Variants in EPHB4 observed in about 807,000 individuals in gnomAD.
The protein encoded by EPHB4 is ephrin type-B receptor 4.
Under a neutral mutation model 110.6 loss-of-function variants are expected in EPHB4, and 50 were observed. The observed-to-expected ratio is 0.45, with a 90% confidence interval of 0.36 to 0.57. EPHB4 has a LOEUF of 0.57. Among genes scored for constraint, EPHB4 ranks in the 20% least tolerant of loss-of-function variants. The pLI, the probability that EPHB4 is intolerant of heterozygous loss-of-function variation, is 0.00. For synonymous variants in EPHB4, 592 were observed against 578.4 expected (o/e 1.02, Z -0.34); for missense variants, 1,128 against 1,382.1 (o/e 0.82, Z 2.91).
chr7:100,821,619 C>T (rs1002746890), intron 4 of EPHB4, among the ~76,000 whole-genome samples: 4 of 149,934 alleles, frequency 2.7e-5, no homozygotes, highest in African/African-American at 7.3e-5. Context: ...CAGAGCAAGA[C>T]TCTGTCTTGA....
At chr7:100,824,335 G>C in intron 1 of EPHB4, 62 bp from the exon 2 acceptor site, 1 of 1,568,498 alleles carries the variant, frequency 6.4e-7, no homozygotes, top group Non-Finnish European at 8.8e-7. Context: ...AGGAAGACCA[G>C]ATCCCTGGGA....
At chr7:100,824,461 C>G in intron 1 of EPHB4, 188 bp from the exon 2 acceptor site, 1 of 610,290 alleles carries the variant, frequency 1.6e-6, no homozygotes, top group East Asian at 2.8e-5. Context: ...AAGTGCCAAC[C>G]CCACCCCCAA....
In EPHB4 at chr7:100,823,827, A is replaced by C; in HGVS notation, c.228T>G (p.Gly76=). The C allele has an allele frequency of 6.2e-7, 1 of 1,613,218 alleles. No homozygotes were observed. The change falls in exon 3 of 17, where the codon GGT becomes GGG. Residue 76 remains glycine (G), a synonymous_variant. Coordinates refer to ENST00000358173, the MANE Select transcript of EPHB4 (RefSeq NM_004444.5). The part of the protein sequence containing the change: ...APGQAHWLRT[G]WVPRRGAVHV... ...GGACGGCGCCCCGCCGTGGGACCCA[A>C]CCTGTGCGAAGCCAGTGGGCCTGGC... is the stretch of plus-strand genomic sequence containing the variant.
intron 16 of EPHB4, among the ~76,000 whole-genome samples, chr7:100,804,136 A>G (rs903341149): frequency 3.3e-5 from 5 of 152,082 alleles, no homozygotes; most frequent in Non-Finnish European, 7.4e-5. Context: ...AGCTGGGACC[A>G]CAGGCACGCA....
rs1813147206 is a variant in EPHB4 at position 100,818,755 on chromosome 7, T to C, written c.1298-111A>G. The C allele has an allele frequency of 8.1e-6, 11 of 1,353,578 alleles. No individual in the cohort carries two copies. The East Asian group carries it at 1.5e-4, about 19-fold the overall frequency. 83.8% of individuals were successfully genotyped at this position (1,353,578 alleles called of 1,614,324 possible). On this transcript the variant is annotated intron_variant, in intron 6 of 16. Coordinates refer to ENST00000358173, the MANE Select transcript of EPHB4 (RefSeq NM_004444.5). ...TCGTGCTCTATCACCCAGGCTGGAGTGCAGTGGCGCAGTCTCAGCTTACTG... is the reference window on the plus strand; with the variant it reads ...TCGTGCTCTATCACCCAGGCTGGAGCGCAGTGGCGCAGTCTCAGCTTACTG...
chr7:100,815,697 T>G (rs540494393), intron 8 of EPHB4, among the ~76,000 whole-genome samples: 1 of 152,088 alleles, frequency 6.6e-6, no homozygotes, highest in East Asian at 1.9e-4. Flanking sequence ...AGAAAGCCAC[T>G]GGTCCAATGC....
intron 12 of EPHB4, among the ~76,000 whole-genome samples, chr7:100,810,466 G>A (rs1246307883): frequency 6.6e-6 from 1 of 152,114 alleles, no homozygotes; most frequent in Admixed American, 6.6e-5. Flanking sequence ...TAATCAGCAG[G>A]CGTGGTGGCT....
Position 100,822,838 on chromosome 7 carries a change from C to T in EPHB4, c.412-171G>A, listed in dbSNP as rs1169860505. Among the ~76,000 whole-genome samples, 1 of 152,216 alleles carries T rather than the reference C, an allele frequency of 6.6e-6. No homozygotes were observed. Among genetic ancestry groups the T allele is most frequent in the Non-Finnish European group, 1.5e-5 (1 of 68,038 alleles). On this transcript the variant is annotated intron_variant, in intron 3 of 16. Coordinates refer to ENST00000358173, the MANE Select transcript of EPHB4 (RefSeq NM_004444.5). This position sits in a 1 kb window ranked among gnomAD's most constrained non-coding sequence, Gnocchi z 4.7. ...GCAGGCCCCCACACTGTCCATTCAG[C>T]CTTGCAAAGCTCCTGCGATATGCCC...
chr7:100,823,708 TA>T lies in EPHB4; in HGVS notation c.346del (p.Tyr116MetfsTer44). 6.2e-7 allele frequency: 1 copy of T among 1,613,558 alleles called. No individual in the cohort carries two copies. The highest frequency in any genetic ancestry group is 2.2e-5 in the East Asian group (1 of 44,856). ...SCKETFTVFYYESDADTATAL... is the reference protein window; with the variant it reads ...SCKETFTVFYXESDADTATAL... Reference sequence around the variant, plus strand: ...CGTGGCCGTGTCCGCATCGCTCTCATAGTAGAAGACGGTGAAGGTCTCCTTG... The same window carrying T: ...CGTGGCCGTGTCCGCATCGCTCTCATGTAGAAGACGGTGAAGGTCTCCTTG... On this transcript the variant is annotated frameshift_variant, in exon 3 of 17. Transcript: ENST00000358173. LOFTEE classifies it high-confidence loss of function.
Position 100,822,320 on chromosome 7 carries a change from G to A in EPHB4, c.759C>T (p.Cys253=), listed in dbSNP as rs1372648675. 1 of 1,567,418 alleles carries A rather than the reference G, an allele frequency of 6.4e-7. No homozygotes were observed. Among genetic ancestry groups the A allele is most frequent in the Non-Finnish European group, 8.7e-7 (1 of 1,154,770 alleles). ...CTGCCTCGAACCCCGGAGCACAGCT[G>A]CAGCCCGTGACCGGCTGTTCGGCCC... The part of the protein sequence containing the change: ...GQWAEQPVTG[C]SCAPGFEAAE... Residue 253 remains cysteine, a synonymous_variant, in exon 4 of 17, where the codon TGC becomes TGT. Coordinates refer to ENST00000358173, the MANE Select transcript of EPHB4 (RefSeq NM_004444.5). The surrounding 1 kb of genome is among the most constrained non-coding windows in gnomAD (Gnocchi z 4.7).
At chr7:100,819,017 A>C (rs963312030) in intron 6 of EPHB4, among the ~76,000 whole-genome samples, 15 of 152,060 alleles carry the variant, frequency 9.9e-5, no homozygotes, top group Non-Finnish European at 2.2e-4. Context: ...TGTTTCGAGA[A>C]TTCCTTCTGA....
chr7:100,815,317 T>G (rs1461535621), intron 8 of EPHB4, among the ~76,000 whole-genome samples: 1 of 151,844 alleles, frequency 6.6e-6, no homozygotes, highest in Non-Finnish European at 1.5e-5. Context: ...AGCGAGACCC[T>G]GTTTCCAAAA....
intron 6 of EPHB4, among the ~76,000 whole-genome samples, chr7:100,819,083 G>A (rs952148107): frequency 6.6e-6 from 1 of 151,892 alleles, no homozygotes; most frequent in Non-Finnish European, 1.5e-5. Context: ...CTCCAGCCCA[G>A]CTTTACGAGC....
Position 100,816,378 on chromosome 7 carries a change from G to C in EPHB4, c.1588+814C>G, listed in dbSNP as rs550229447. ...AGACAGAGTCTTGCTCTGTTGCCCA[G>C]GCTGGAGTGCACTGGCACAATCTCA... On this transcript the variant is annotated intron_variant, in intron 8 of 16. Coordinates refer to ENST00000358173, the MANE Select transcript of EPHB4 (RefSeq NM_004444.5). Among the ~76,000 whole-genome samples, 179 of 151,118 alleles carry C rather than the reference G, an allele frequency of 1.2e-3. 1 individual carries two copies. Among genetic ancestry groups the C allele is most frequent in the African/African-American group, 3.6e-3 (148 of 41,208 alleles).
At chr7:100,820,375 A>C in intron 4 of EPHB4, 79 bp from the exon 5 acceptor site, 1 of 1,505,598 alleles carries the variant, frequency 6.6e-7, no homozygotes, top group Non-Finnish European at 8.9e-7. Flanking sequence ...TCATGCCTCG[A>C]ATCCCAGCAC....
At chr7:100,803,642 C>G in intron 16 of EPHB4, 52 bp from the exon 17 acceptor site, 1 of 1,540,616 alleles carries the variant, frequency 6.5e-7, no homozygotes. Flanking sequence ...TGTGGCCGCT[C>G]TCCTCTCTTG....
chr7:100,812,890 G>A lies in EPHB4; in HGVS notation c.1975C>T (p.Arg659Cys). Residue 659 changes from arginine to cysteine, a missense_variant, in exon 12 of 17, where the codon CGT becomes TGT. This residue lies in a region of EPHB4 where 191 missense variants were observed against 313.0 expected (regional missense o/e 0.61). Transcript: ENST00000358173. ...LKGGYTERQR[R>C]EFLSEASIMG... ...ATGGAGGCCTCGCTCAGAAACTCACGCCGCTGCCGCTCCGTGTAGCCACCC... is the reference window on the plus strand; with the variant it reads ...ATGGAGGCCTCGCTCAGAAACTCACACCGCTGCCGCTCCGTGTAGCCACCC... 1.9e-6 allele frequency: 3 copies of A among 1,614,206 alleles called. No individual in the cohort carries two copies. The highest frequency in any genetic ancestry group is 1.1e-5 in the South Asian group (1 of 91,086).
chr7:100,819,089 C>G (rs1047139947), intron 6 of EPHB4, among the ~76,000 whole-genome samples: 3 of 151,980 alleles, frequency 2.0e-5, no homozygotes, highest in African/African-American at 4.8e-5. Flanking sequence ...CCCAGCTTTA[C>G]GAGCTCCTCA....
rs1813172977 is a variant in EPHB4, at chr7:100,819,789, G to A, written c.1065C>T (p.Leu355=). 1 of 1,577,200 alleles carries A rather than the reference G, an allele frequency of 6.3e-7. No individual in the cohort carries two copies. Among genetic ancestry groups the A allele is most frequent in the Non-Finnish European group, 8.6e-7 (1 of 1,161,936 alleles). Residue 355 remains leucine (L), a synonymous_variant, in exon 6 of 17, where the codon CTC becomes CTT. Coordinates refer to ENST00000358173, the MANE Select transcript of EPHB4 (RefSeq NM_004444.5). ...APLESGGRED[L]TYALRCRECR... ...ACTCCCGGCAGCGGAGGGCGTAGGT[G>A]AGGTCCTCTCGGCCACCAGACTCCA... is the stretch of plus-strand genomic sequence containing the variant.
Sources: gnomAD v4.1 joint callset for allele counts (sites outside exome capture counted in the v4.1 genomes callset) on GRCh38, gnomAD v4.1.1 for gene constraint, gnomAD v4.1.1 regional missense constraint, Gnocchi (gnomAD v3.1) non-coding constraint, MANE v1.5 for transcripts, NCBI Gene and HGNC (gene_info 2026-07-23, HGNC 2026-07-21) for gene names.